The following PRRX1 variants were observed in gnomAD, a reference collection of about 807,000 sequenced individuals.
PRRX1 encodes paired related homeobox 1.
In PRRX1, 8 loss-of-function variants were observed where a neutral mutation model predicts 24.0. The observed-to-expected ratio is 0.33, with a 90% confidence interval of 0.20 to 0.60. PRRX1 has a LOEUF of 0.60. PRRX1 is among the 20% of genes least tolerant of loss of function. The pLI is 0.82. For synonymous variants in PRRX1, 160 were observed against 131.7 expected (o/e 1.22, Z -1.47); for missense variants, 281 against 322.4 (o/e 0.87, Z 0.98).
chr1:170,677,716 G>A (rs915797453), intron 1 of PRRX1, among the ~76,000 whole-genome samples: 1 of 152,188 alleles, frequency 6.6e-6, no homozygotes, highest in African/African-American at 2.4e-5. Context: ...AGAGCCAGGA[G>A]TTTGGCTCAG....
At chr1:170,678,458 CATGTGCCTT>C (rs1653393635) in intron 1 of PRRX1, among the ~76,000 whole-genome samples, 1 of 152,238 alleles carries the variant, frequency 6.6e-6, no homozygotes. Context: ...AGTAGCTTAA[CATGTGCCTT>C]ATGCAAGAGA....
At chr1:170,705,032 G>A (rs1461044060) in intron 1 of PRRX1, among the ~76,000 whole-genome samples, 1 of 152,128 alleles carries the variant, frequency 6.6e-6, no homozygotes, top group African/African-American at 2.4e-5. Context: ...ATGTTATTTG[G>A]GTCCTAGTGG....
intron 1 of PRRX1, among the ~76,000 whole-genome samples, chr1:170,671,248 G>A (rs529568732): frequency 1.3e-5 from 2 of 152,310 alleles, no homozygotes; most frequent in Admixed American, 6.5e-5. Context: ...CATAGGAGTC[G>A]GAACAGGGGG....
chr1:170,736,018 T>C, intron 3 of PRRX1, 30 bp from the exon 4 acceptor site: 1 of 1,613,626 alleles, frequency 6.2e-7, no homozygotes, highest in Non-Finnish European at 8.5e-7. Flanking sequence ...ATGCCTGTTA[T>C]TCTCCCTGCT....
Position 170,726,285 on chromosome 1 carries a change from C to A in PRRX1, c.483C>A (p.Asn161Lys), listed in dbSNP as rs751042611. 4 of 1,614,030 alleles carry A rather than the reference C, an allele frequency of 2.5e-6. No homozygotes were observed. In the South Asian group the frequency reaches 3.3e-5, roughly 13 times the overall value. The change falls in exon 3 of 4, where the codon AAC becomes AAA. Residue 161 changes from asparagine (N) to lysine (K), a missense_variant. Physicochemically the swap from Asn to Lys is moderately conservative, Grantham distance 94. Coordinates refer to ENST00000239461, the MANE Select transcript of PRRX1 (RefSeq NM_022716.4). ...AGAGAGCCATGCTAGCCAATAAAAA[C>A]GCTTCCCTCCTCAAATCCTACTCAG... ...RNERAMLANK[N>K]ASLLKSYSGD... is the part of the protein sequence containing the mutation.
chr1:170,731,705 A>G (rs1225153014), intron 3 of PRRX1, among the ~76,000 whole-genome samples: 1 of 152,126 alleles, frequency 6.6e-6, no homozygotes, highest in African/African-American at 2.4e-5. Flanking sequence ...ACAGTACTCC[A>G]CCTCTGCTAG....
rs566451824 is a variant in PRRX1 at position 170,685,632 on chromosome 1, C to T, written c.241+21173C>T. ...GTATTACCTACCTGTAAAATGAAAA[C>T]GGTAATGCCTGCTTGATTTCTTTCT... On this transcript the variant is annotated intron_variant, in intron 1 of 3. Transcript: ENST00000239461. Among the ~76,000 whole-genome samples the T allele has an allele frequency of 4.7e-5, 7 of 150,392 alleles. No individual in the cohort carries two copies. The South Asian group carries it at 6.3e-4, about 14-fold the overall frequency.
At chr1:170,719,668 C>G (rs1023894120) in intron 1 of PRRX1, 58 bp from the exon 2 acceptor site, 7 of 1,566,668 alleles carry the variant, frequency 4.5e-6, no homozygotes, top group Non-Finnish European at 6.1e-6. Context: ...ATAAAAAAGT[C>G]TTAACTGGGA....
intron 1 of PRRX1, among the ~76,000 whole-genome samples, chr1:170,688,281 T>C (rs959003322): frequency 5.3e-5 from 8 of 152,124 alleles, no homozygotes; most frequent in Non-Finnish European, 1.2e-4. Context: ...TGTAATGTTA[T>C]ATAGTGTTAA....
At chr1:170,733,772 A>C (rs2101927675) in intron 3 of PRRX1, among the ~76,000 whole-genome samples, 1 of 152,206 alleles carries the variant, frequency 6.6e-6, no homozygotes, top group South Asian at 2.1e-4. Flanking sequence ...AGATACTTAG[A>C]TCTTCGGATT....
At chr1:170,674,588 A>AT (rs1384143791) in intron 1 of PRRX1, among the ~76,000 whole-genome samples, 2 of 152,006 alleles carry the variant, frequency 1.3e-5, no homozygotes, top group Admixed American at 6.6e-5. Context: ...GATTATCTAG[A>AT]TTTTTTTAAG....
At chr1:170,685,090 G>A (rs1333406351) in intron 1 of PRRX1, among the ~76,000 whole-genome samples, 1 of 152,140 alleles carries the variant, frequency 6.6e-6, no homozygotes. Context: ...CTTGGCACAG[G>A]AAATTTAATC....
At chr1:170,672,584 G>A (rs1163221729) in intron 1 of PRRX1, among the ~76,000 whole-genome samples, 2 of 152,208 alleles carry the variant, frequency 1.3e-5, no homozygotes, top group African/African-American at 2.4e-5. Flanking sequence ...GGTGATCCCA[G>A]TCCTCTAAAT....
At position 170,736,223 on chromosome 1, in the gene PRRX1, A is replaced by C. The variant is rs765473383; in HGVS notation, c.*37A>C. Reference sequence around the variant, plus strand: ...AATTAAACAGGCCTAAGAAGAAATCAAAAACCATAAGACACCTATCCTGCT... The same window carrying C: ...AATTAAACAGGCCTAAGAAGAAATCCAAAACCATAAGACACCTATCCTGCT... On this transcript the variant is annotated 3_prime_UTR_variant, in exon 4 of 4. Coordinates refer to ENST00000239461, the MANE Select transcript of PRRX1 (RefSeq NM_022716.4). The C allele has an allele frequency of 5.6e-6, 9 of 1,611,982 alleles. No homozygotes were observed. In the East Asian group the frequency reaches 2.0e-4, roughly 36 times the overall value.
Position 170,664,209 on chromosome 1 carries a change from G to C in PRRX1, c.-10G>C. 1.2e-6 allele frequency: 2 copies of C among 1,607,980 alleles called. No homozygotes were observed. The highest frequency in any genetic ancestry group is 1.1e-5 in the South Asian group (1 of 89,444). On this transcript the variant is annotated 5_prime_UTR_variant, in exon 1 of 4. Transcript: ENST00000239461. ...GAAGAGGGGGGTGGGTGGGATCGGT[G>C]GGGGAGACCATGACCTCCAGCTACG...
intron 1 of PRRX1, among the ~76,000 whole-genome samples, chr1:170,693,381 A>G (rs1010304391): frequency 3.9e-5 from 6 of 152,104 alleles, no homozygotes; most frequent in African/African-American, 1.2e-4. Flanking sequence ...TAGGGTCAGT[A>G]TGACCAAATT....
At chr1:170,674,800 T>A (rs1321192177) in intron 1 of PRRX1, among the ~76,000 whole-genome samples, 1 of 152,204 alleles carries the variant, frequency 6.6e-6, no homozygotes, top group East Asian at 1.9e-4. Flanking sequence ...GTAATACATG[T>A]TCATTTTTGA....
intron 1 of PRRX1, among the ~76,000 whole-genome samples, chr1:170,716,367 G>A (rs985265334): frequency 9.9e-5 from 15 of 152,234 alleles, no homozygotes; most frequent in Admixed American, 5.9e-4. Flanking sequence ...GGTGGATCAC[G>A]AGGTCAGGAG....
At chr1:170,714,394 C>T (rs1654841422) in intron 1 of PRRX1, among the ~76,000 whole-genome samples, 1 of 152,168 alleles carries the variant, frequency 6.6e-6, no homozygotes, top group African/African-American at 2.4e-5. Context: ...TTTAGATCCG[C>T]TTGCCTGCCA....
Sources: allele counts gnomAD v4.1 joint callset (sites outside exome capture counted in the v4.1 genomes callset), GRCh38; gene constraint gnomAD v4.1.1; transcripts MANE v1.5; gene names NCBI Gene and HGNC (gene_info 2026-07-23, HGNC 2026-07-21).